PTH2R: variants seen among roughly 807,000 people sequenced by gnomAD.
The protein encoded by PTH2R is PTH2 receptor.
A neutral mutation model predicts 60.3 loss-of-function variants in PTH2R; 59 were observed. The ratio of observed to expected loss-of-function variants is 0.98; its 90% CI spans 0.79 to 1.22. PTH2R has a LOEUF of 1.22. PTH2R is among the 50% of genes most tolerant of loss of function. PTH2R has a pLI of 0.00. For synonymous variants in PTH2R, 256 were observed against 243.8 expected (o/e 1.05, Z -0.47); for missense variants, 749 against 682.6 (o/e 1.10, Z -1.08).
chr2:208,431,714 G>A (rs1318009143), intron 2 of PTH2R, among the ~76,000 whole-genome samples: 1 of 152,068 alleles, frequency 6.6e-6, no homozygotes, highest in Non-Finnish European at 1.5e-5. Flanking sequence ...CATCTTTTGG[G>A]GATACTGACT....
chr2:208,372,902 T>A (rs6711995), intron 1 of PTH2R, among the ~76,000 whole-genome samples: 6 of 151,696 alleles, frequency 4.0e-5, no homozygotes, highest in Non-Finnish European at 8.8e-5. Flanking sequence ...CTGGGCAACA[T>A]GGCAAAACCC....
In PTH2R at chr2:208,377,676, G is replaced by A. The variant is rs1700826940; in HGVS notation, c.-259+17439G>A. ...TCAGACGGGGCAGCTGCCGGGCGGA[G>A]GGGCTCCTCACTTCTCAGACGGGGT... On this transcript the variant is annotated intron_variant, in intron 1 of 12. Coordinates refer to the PTH2R transcript ENST00000617735. 2.7e-5 allele frequency among the ~76,000 whole-genome samples: 4 copies of A among 150,676 alleles called. No homozygotes were observed. In the South Asian group the frequency reaches 8.4e-4, roughly 32 times the overall value.
intron 1 of PTH2R, among the ~76,000 whole-genome samples, chr2:208,394,185 C>T (rs1398017558): frequency 6.6e-6 from 1 of 152,180 alleles, no homozygotes; most frequent in Non-Finnish European, 1.5e-5. Context: ...CAAGGCTCCC[C>T]ACTAGCAGGC....
intron 1 of PTH2R, among the ~76,000 whole-genome samples, chr2:208,378,863 C>T (rs989939888): frequency 2.0e-5 from 3 of 151,950 alleles, no homozygotes; most frequent in African/African-American, 7.3e-5. Flanking sequence ...AGTCATTTAC[C>T]TTCATTGGAG....
intron 2 of PTH2R, among the ~76,000 whole-genome samples, chr2:208,435,557 T>A (rs1702058139): frequency 6.6e-6 from 1 of 152,218 alleles, no homozygotes. Context: ...CCTGCCTTGC[T>A]GACTTCGAAG....
intron 9 of PTH2R, among the ~76,000 whole-genome samples, chr2:208,465,094 G>C (rs1379071545): frequency 2.0e-5 from 3 of 152,018 alleles, no homozygotes; most frequent in African/African-American, 7.3e-5. Context: ...TCCTGCCTCA[G>C]CCTCCTGAGT....
chr2:208,438,265 G>A lies in PTH2R; in HGVS notation c.411+384G>A, dbSNP rs73983780. Among the ~76,000 whole-genome samples the A allele has an allele frequency of 6.5e-3, 990 of 152,244 alleles. 13 individuals are homozygous for A. The highest frequency in any genetic ancestry group is 0.023 in the African/African-American group (953 of 41,556). ...TACATCTCATCTGTATATTCCAGAAGGACCTTTGCATTTTAGAGGTGTATT... is the reference window on the plus strand; with the variant it reads ...TACATCTCATCTGTATATTCCAGAAAGACCTTTGCATTTTAGAGGTGTATT... On this transcript the variant is annotated intron_variant, in intron 4 of 12. Transcript: ENST00000272847.
chr2:208,421,408 T>A (rs1031776372), intron 1 of PTH2R, among the ~76,000 whole-genome samples: 1 of 151,952 alleles, frequency 6.6e-6, no homozygotes, highest in Non-Finnish European at 1.5e-5. Context: ...TGAGTATGCA[T>A]GCTTCCTTGT....
At chr2:208,380,151 A>G (rs1700885041) in intron 1 of PTH2R, among the ~76,000 whole-genome samples, 2 of 152,062 alleles carry the variant, frequency 1.3e-5, no homozygotes, top group Admixed American at 6.5e-5. Flanking sequence ...TTCCTTAGCT[A>G]TTTCCCATTT....
chr2:208,486,868 A>G (rs567959759), intron 10 of PTH2R, among the ~76,000 whole-genome samples: 24 of 152,304 alleles, frequency 1.6e-4, no homozygotes, highest in Non-Finnish European at 3.1e-4. Context: ...GAATCTTCAT[A>G]TTGAATAGGC....
intron 1 of PTH2R, among the ~76,000 whole-genome samples, chr2:208,374,039 A>G (rs1196474372): frequency 6.6e-6 from 1 of 151,894 alleles, no homozygotes; most frequent in African/African-American, 2.4e-5. Context: ...ACTATACTGC[A>G]TATAGGAATA....
chr2:208,399,677 T>C (rs1701272420), intron 1 of PTH2R, among the ~76,000 whole-genome samples: 1 of 152,152 alleles, frequency 6.6e-6, no homozygotes, highest in Admixed American at 6.5e-5. Flanking sequence ...TGGTTCTGCC[T>C]GAACATCATC....
At chr2:208,427,525 TTG>T (rs1701881004) in intron 1 of PTH2R, among the ~76,000 whole-genome samples, 1 of 152,220 alleles carries the variant, frequency 6.6e-6, no homozygotes, top group Admixed American at 6.5e-5. Context: ...AATATGGGCA[TTG>T]AGCTATGAAT....
intron 7 of PTH2R, among the ~76,000 whole-genome samples, chr2:208,449,068 T>C (rs1394828525): frequency 6.6e-6 from 1 of 152,266 alleles, no homozygotes; most frequent in East Asian, 1.9e-4. Flanking sequence ...AAGATGCAGA[T>C]ATAAGAATGA....
chr2:208,445,773 ATG>A (rs1702277541), intron 7 of PTH2R, among the ~76,000 whole-genome samples: 1 of 152,214 alleles, frequency 6.6e-6, no homozygotes, highest in Admixed American at 6.5e-5. Context: ...GAAGTAAAGA[ATG>A]CTGAACTTTC....
At chr2:208,477,937 C>T (rs1243402505) in intron 9 of PTH2R, among the ~76,000 whole-genome samples, 4 of 144,596 alleles carry the variant, frequency 2.8e-5, no homozygotes, top group African/African-American at 1.0e-4. Flanking sequence ...ACTAGCACTA[C>T]TACTAGTAGT....
At chr2:208,415,700 A>G (rs1364690758) in intron 1 of PTH2R, among the ~76,000 whole-genome samples, 4 of 152,324 alleles carry the variant, frequency 2.6e-5, no homozygotes, top group Non-Finnish European at 5.9e-5. Flanking sequence ...CAGATTAAGC[A>G]ATCATTACAG....
At chr2:208,451,883 C>T (rs1281953082) in intron 8 of PTH2R, among the ~76,000 whole-genome samples, 1 of 151,908 alleles carries the variant, frequency 6.6e-6, no homozygotes, top group Non-Finnish European at 1.5e-5. Context: ...TTTAAATAAC[C>T]ATTTAAGTGT....
chr2:208,485,494 A>G (rs1366621778), intron 10 of PTH2R, among the ~76,000 whole-genome samples: 1 of 152,210 alleles, frequency 6.6e-6, no homozygotes, highest in Non-Finnish European at 1.5e-5. Flanking sequence ...AGTGCCCAGG[A>G]TTGCTACATG....
Sources: allele counts gnomAD v4.1 joint callset (sites outside exome capture counted in the v4.1 genomes callset), GRCh38; gene constraint gnomAD v4.1.1; transcripts MANE v1.5; gene names NCBI Gene and HGNC (gene_info 2026-07-23, HGNC 2026-07-21).